Variants in MYLK observed in about 807,000 individuals in gnomAD.
MYLK encodes myosin light chain kinase.
In MYLK, 106 loss-of-function variants were observed where a neutral mutation model predicts 203.4. The observed-to-expected ratio is 0.52, with a 90% CI of 0.45 to 0.61. The LOEUF (loss-of-function observed/expected upper bound fraction) is 0.61, where lower values mean the gene tolerates loss of function less well. Among genes scored for constraint, MYLK ranks in the 20% least tolerant of loss-of-function variants. The pLI, the probability that MYLK is intolerant of heterozygous loss-of-function variation, is 0.00. For missense variants in MYLK, 2,072 were observed against 2,442.3 expected, an observed-to-expected ratio of 0.85 and a Z score of 3.20; for synonymous variants, 867 against 959.5, an observed-to-expected ratio of 0.90 and a Z score of 1.78.
Position 123,611,490 on chromosome 3 carries a change from T to C in MYLK, c.*2615A>G, listed in dbSNP as rs2057245634. 6.6e-6 allele frequency: 1 copy of C among 152,128 alleles called. No individual in the cohort carries two copies. The allele number at this position is 152,128 out of a possible 1,614,324, so 9.4% of individuals were successfully genotyped here. A position where few individuals can be genotyped will look rare whatever the true frequency, so the allele number is the denominator to read the frequency against. On this transcript the variant is annotated 3_prime_UTR_variant, in exon 34 of 34. Coordinates refer to ENST00000360304, the MANE Select transcript of MYLK (RefSeq NM_053025.4). Reference sequence around the variant, plus strand: ...AATGTCACATGTTAAAAATGTCATATAGATTTTAGCATCTTGAGGACCTGA... The same window carrying C: ...AATGTCACATGTTAAAAATGTCATACAGATTTTAGCATCTTGAGGACCTGA...
chr3:123,728,582 AAACAACAACAACAAC>A lies in MYLK; in HGVS notation c.1517-2519_1517-2505del, dbSNP rs60294228. On this transcript the variant is annotated intron_variant, in intron 11 of 33. Transcript: ENST00000360304. ...CTGCCCCTCCACCCTCCCAAACAAC[AAACAACAACAACAAC>A]AACAACAACAACAATAAAACATAGC... Among the ~76,000 whole-genome samples, 9 of 151,666 alleles carry A rather than the reference AAACAACAACAACAAC, an allele frequency of 5.9e-5. No individual in the cohort carries two copies. The East Asian group carries it at 1.7e-3, about 29-fold the overall frequency.
chr3:123,644,932 C>G (rs1316027040), intron 27 of MYLK, among the ~76,000 whole-genome samples: 2 of 152,200 alleles, frequency 1.3e-5, no homozygotes, highest in Admixed American at 6.5e-5. Context: ...CCAAGTACTT[C>G]TTCGTGCTGA....
chr3:123,825,922 CT>C (rs2066102026), intron 3 of MYLK, among the ~76,000 whole-genome samples: 1 of 152,226 alleles, frequency 6.6e-6, no homozygotes, highest in Admixed American at 6.5e-5. Flanking sequence ...GGAGAGGCCC[CT>C]GAGCCTTCAA....
intron 3 of MYLK, among the ~76,000 whole-genome samples, chr3:123,825,876 G>C (rs2066100178): frequency 6.6e-6 from 1 of 152,228 alleles, no homozygotes; most frequent in Non-Finnish European, 1.5e-5. Context: ...ACCCACCCTT[G>C]AGCCAGCCAA....
intron 16 of MYLK, among the ~76,000 whole-genome samples, chr3:123,706,800 G>A (rs1361736881): frequency 1.3e-5 from 2 of 152,096 alleles, no homozygotes; most frequent in Non-Finnish European, 2.9e-5. Context: ...TCATGGAAAT[G>A]TAGCAGTGTG....
chr3:123,682,179 G>A (rs1364037068), intron 20 of MYLK, 45 bp downstream of exon 20: 1 of 1,501,914 alleles, frequency 6.7e-7, no homozygotes, highest in Non-Finnish European at 9.1e-7. Flanking sequence ...CGGGGTGCCT[G>A]CCCCTGCCTC....
intron 2 of MYLK, among the ~76,000 whole-genome samples, chr3:123,846,645 C>T (rs9878981): frequency 0.89 from 136,016 of 152,226 alleles, 61,054 homozygotes; most frequent in East Asian, 1. Flanking sequence ...CTTCCAGCAG[C>T]GTAGGAGACT....
Position 123,707,986 on chromosome 3 carries a change from G to T in MYLK, c.2158C>A (p.Gln720Lys). Residue 720 changes from glutamine to lysine, a missense_variant, in exon 16 of 34, where the codon CAG (glutamine) becomes AAG (lysine). This residue lies in a region of MYLK where 865 missense variants were observed against 1,016.0 expected (regional missense o/e 0.85). Coordinates refer to ENST00000360304, the MANE Select transcript of MYLK (RefSeq NM_053025.4). ...LTVQEPHDGTQPWFISKPRSV... is the reference protein window; with the variant it reads ...LTVQEPHDGTKPWFISKPRSV... ...CGAGGCTTACTGATGAACCAGGGCT[G>T]GGTGCCATCGTGAGGCTCTGGAAAT... The T allele has an allele frequency of 6.2e-7, 1 of 1,614,136 alleles. No individual in the cohort carries two copies. Among genetic ancestry groups the T allele is most frequent in the Non-Finnish European group, 8.5e-7 (1 of 1,180,022 alleles).
chr3:123,687,583 C>G (rs1576555456), intron 19 of MYLK, among the ~76,000 whole-genome samples: 1 of 152,010 alleles, frequency 6.6e-6, no homozygotes, highest in Admixed American at 6.5e-5. Context: ...TTCCTTCCTT[C>G]CTTTCTTCCT....
intron 4 of MYLK, among the ~76,000 whole-genome samples, chr3:123,775,396 T>C (rs775259884): frequency 4.6e-5 from 7 of 152,168 alleles, no homozygotes; most frequent in Non-Finnish European, 7.3e-5. Flanking sequence ...TGCACATACA[T>C]TTTAGTACTT....
intron 3 of MYLK, among the ~76,000 whole-genome samples, chr3:123,819,059 C>A: frequency 6.6e-6 from 1 of 152,180 alleles, no homozygotes; most frequent in Non-Finnish European, 1.5e-5. Flanking sequence ...AATGAGAAGT[C>A]TCCTGGTCAG....
chr3:123,778,922 G>T (rs2064182457), intron 4 of MYLK, among the ~76,000 whole-genome samples: 1 of 152,210 alleles, frequency 6.6e-6, no homozygotes, highest in African/African-American at 2.4e-5. Context: ...CTCCACGAAT[G>T]ATTCCAGCAC....
At chr3:123,789,676 A>G (rs11715751) in intron 4 of MYLK, among the ~76,000 whole-genome samples, 47,751 of 145,504 alleles carry the variant, frequency 0.33, 9,728 homozygotes, top group Non-Finnish European at 0.46. Flanking sequence ...AAAAAAAAAA[A>G]AAGAAGGAAC....
intron 29 of MYLK, among the ~76,000 whole-genome samples, chr3:123,635,460 T>A (rs2108064738): frequency 6.6e-6 from 1 of 152,126 alleles, no homozygotes; most frequent in South Asian, 2.1e-4. Flanking sequence ...ACAGTGGGGG[T>A]CCAGGAGCTA....
chr3:123,866,794 G>C (rs2051184439), intron 2 of MYLK, among the ~76,000 whole-genome samples: 1 of 152,078 alleles, frequency 6.6e-6, no homozygotes, highest in South Asian at 2.1e-4. Flanking sequence ...TCTCTAAAAT[G>C]TTACCTCTCC....
chr3:123,688,844 AC>A (rs2060559380), intron 19 of MYLK, among the ~76,000 whole-genome samples: 1 of 150,998 alleles, frequency 6.6e-6, no homozygotes, highest in African/African-American at 2.4e-5. Flanking sequence ...CTCAGTGACC[AC>A]CCCCTCCAAA....
In MYLK at chr3:123,700,944, C is replaced by T. The variant is rs1461689312; in HGVS notation, c.2524G>A (p.Gly842Ser). 1.2e-6 allele frequency: 2 copies of T among 1,610,694 alleles called. No homozygotes were observed. Among genetic ancestry groups the T allele is most frequent in the African/African-American group, 2.7e-5 (2 of 74,918 alleles). Residue 842 changes from glycine (G) to serine (S), a missense_variant, in exon 18 of 34, where the codon GGT (glycine) becomes AGT (serine). Coordinates refer to ENST00000360304, the MANE Select transcript of MYLK (RefSeq NM_053025.4). ...CTCAGGGACCCATAGCGGTCACTAC[C>T]ACCACCATCAGCACCAACTCCTCCA... ...CGGGVGADGGGSDRYGSLRPG... is the reference protein window; with the variant it reads ...CGGGVGADGGSSDRYGSLRPG...
intron 4 of MYLK, among the ~76,000 whole-genome samples, chr3:123,785,804 TGCTGATGCG>T (rs970769857): frequency 2.4e-4 from 36 of 152,166 alleles, no homozygotes; most frequent in African/African-American, 3.9e-4. Context: ...ACTTAAATAG[TGCTGATGCG>T]GCTGATGCGG....
At chr3:123,824,441 A>G (rs957880223) in intron 3 of MYLK, among the ~76,000 whole-genome samples, 1 of 152,220 alleles carries the variant, frequency 6.6e-6, no homozygotes, top group African/African-American at 2.4e-5. Flanking sequence ...CTGTTCCACT[A>G]GAATGAAAAT....
Sources: gnomAD v4.1 joint callset for allele counts (sites outside exome capture counted in the v4.1 genomes callset) on GRCh38, gnomAD v4.1.1 for gene constraint, gnomAD v4.1.1 regional missense constraint, MANE v1.5 for transcripts, NCBI Gene and HGNC (gene_info 2026-07-23, HGNC 2026-07-21) for gene names.